ATE1: variants seen among roughly 807,000 people sequenced by gnomAD.
ATE1 encodes the protein arginyl-tRNA--protein transferase 1.
Under a neutral mutation model 70.5 loss-of-function variants are expected in ATE1, and 36 were observed. The observed-to-expected ratio is 0.51, with a 90% CI of 0.39 to 0.67. ATE1 has a LOEUF of 0.67. Among genes scored for constraint, ATE1 ranks in the 30% least tolerant of loss-of-function variants. The pLI is 0.00. For synonymous variants in ATE1, 232 were observed against 219.3 expected (o/e 1.06, Z -0.51); for missense variants, 593 against 629.5 (o/e 0.94, Z 0.62).
intron 3 of ATE1, among the ~76,000 whole-genome samples, chr10:121,914,259 G>T (rs1442811815): frequency 2.0e-5 from 3 of 152,048 alleles, no homozygotes; most frequent in African/African-American, 7.2e-5. Flanking sequence ...TAGAGACAGG[G>T]TTTCACCATG....
At chr10:121,923,581 G>C (rs1951966909) in intron 2 of ATE1, among the ~76,000 whole-genome samples, 1 of 152,168 alleles carries the variant, frequency 6.6e-6, no homozygotes, top group Admixed American at 6.5e-5. Flanking sequence ...GGAAAGTTGT[G>C]ATATTTCAGC....
intron 11 of ATE1, among the ~76,000 whole-genome samples, chr10:121,779,787 A>G (rs116383010): frequency 2.2e-4 from 33 of 152,150 alleles, no homozygotes; most frequent in African/African-American, 7.5e-4. Context: ...CTTTCACTCT[A>G]TTTTTAAGCC....
intron 8 of ATE1, among the ~76,000 whole-genome samples, chr10:121,864,929 A>C (rs551225026): frequency 6.6e-6 from 1 of 152,274 alleles, no homozygotes; most frequent in South Asian, 2.1e-4. Flanking sequence ...CTCACAACAA[A>C]GAATTATCCA....
In ATE1 at chr10:121,790,235, T is replaced by G; in HGVS notation, c.1312A>C (p.Ile438Leu). 2.5e-6 allele frequency: 4 copies of G among 1,613,974 alleles called. No homozygotes were observed. The highest frequency in any genetic ancestry group is 3.4e-6 in the Non-Finnish European group (4 of 1,179,968). Residue 438 changes from isoleucine to leucine, a missense_variant, in exon 11 of 12, where the codon ATT (isoleucine) becomes CTT (leucine). Transcript: ENST00000224652. ...TCAAGTGAAGGCAGGCATTGCTCAA[T>G]GGGTACCCAAACATATGTCTCAGGG... ...LCPETYVWVP[I>L]EQCLPSLENS...
chr10:121,852,753 C>T (rs1590501662), intron 8 of ATE1, among the ~76,000 whole-genome samples: 1 of 152,088 alleles, frequency 6.6e-6, no homozygotes, highest in East Asian at 1.9e-4. Flanking sequence ...TGTGCTAAGC[C>T]ACTGTGGCTT....
At chr10:121,772,658 T>C (rs1312096403) in intron 11 of ATE1, among the ~76,000 whole-genome samples, 2 of 152,168 alleles carry the variant, frequency 1.3e-5, no homozygotes, top group African/African-American at 4.8e-5. Context: ...AAGCTCCATA[T>C]CTTTCAGTAA....
chr10:121,806,299 A>T (rs1377271316), intron 10 of ATE1, among the ~76,000 whole-genome samples: 1 of 152,144 alleles, frequency 6.6e-6, no homozygotes, highest in Non-Finnish European at 1.5e-5. Context: ...CAAAAAATAT[A>T]AAAATTAGCC....
In ATE1 at chr10:121,899,911, C is replaced by G. The variant is rs1950914394; in HGVS notation, c.897G>C (p.Gln299His). 2.5e-6 allele frequency: 4 copies of G among 1,613,694 alleles called. No homozygotes were observed. Among genetic ancestry groups the G allele is most frequent in the Non-Finnish European group, 3.4e-6 (4 of 1,179,702 alleles). ...CAGGTGGGTTCTTGTGAATAACCAT[C>G]TGGTAACGTTTATAGACCTGGTAAG... is the stretch of plus-strand genomic sequence containing the variant. Reference protein sequence around the residue: ...LESYQVYKRYQMVIHKNPPDT... With the variant: ...LESYQVYKRYHMVIHKNPPDT... Residue 299 changes from glutamine to histidine, a missense_variant, in exon 7 of 12, where the codon CAG (glutamine) becomes CAC (histidine). Around this residue, in one of 3 missense-constraint regions of ATE1, gnomAD observed 467 missense variants for 469.6 expected, o/e 0.99. Transcript: ENST00000224652.
intron 10 of ATE1, among the ~76,000 whole-genome samples, chr10:121,831,400 C>G (rs1283325121): frequency 6.6e-6 from 1 of 152,022 alleles, no homozygotes; most frequent in Non-Finnish European, 1.5e-5. Context: ...AGACAGACAA[C>G]ACACACACAC....
chr10:121,928,267 G>C, upstream of ATE1: 1 of 1,442,098 alleles, frequency 6.9e-7, no homozygotes, highest in African/African-American at 1.5e-5. Flanking sequence ...GGGAGTCGGG[G>C]TGCGAGCCTG....
chr10:121,832,561 A>G (rs1186498233), intron 10 of ATE1, among the ~76,000 whole-genome samples: 1 of 152,166 alleles, frequency 6.6e-6, no homozygotes, highest in Non-Finnish European at 1.5e-5. Context: ...CATGGTAGTG[A>G]ATGTCTCACG....
chr10:121,921,891 C>G (rs897655504), intron 3 of ATE1, among the ~76,000 whole-genome samples: 4 of 152,194 alleles, frequency 2.6e-5, no homozygotes, highest in African/African-American at 9.7e-5. Context: ...CCCGAGGTCT[C>G]TCTTGTCCTC....
chr10:121,839,433 A>G (rs1948548687), intron 9 of ATE1, among the ~76,000 whole-genome samples: 1 of 152,234 alleles, frequency 6.6e-6, no homozygotes, highest in Non-Finnish European at 1.5e-5. Context: ...ATAATACAAA[A>G]ATAAAACCAA....
chr10:121,839,241 T>C lies in ATE1; in HGVS notation c.1157+1841A>G, dbSNP rs562495146. ...TTGCAGGGATATACAAGGTGATCAATAGAACTCTTGCTAATTTTGCTGGGA... is the reference window on the plus strand; with the variant it reads ...TTGCAGGGATATACAAGGTGATCAACAGAACTCTTGCTAATTTTGCTGGGA... On this transcript the variant is annotated intron_variant, in intron 9 of 11. Coordinates refer to ENST00000224652, the MANE Select transcript of ATE1 (RefSeq NM_001001976.3). 1.2e-4 allele frequency among the ~76,000 whole-genome samples: 19 copies of C among 152,308 alleles called. No homozygotes were observed. The South Asian group carries it at 2.7e-3, about 22-fold the overall frequency.
rs185143647 is a variant in ATE1 at position 121,818,093 on chromosome 10, G to A, written c.1257+18625C>T. Among the ~76,000 whole-genome samples the A allele has an allele frequency of 2.8e-4, 43 of 151,494 alleles. No homozygotes were observed. The East Asian group carries it at 7.8e-3, about 27-fold the overall frequency. On this transcript the variant is annotated intron_variant, in intron 10 of 11. Coordinates refer to ENST00000224652, the MANE Select transcript of ATE1 (RefSeq NM_001001976.3). The stretch of plus-strand genomic sequence containing the variant: ...AGCCTGGGCAACAAAGTGAGACCCC[G>A]TCTCTAGAAAAAATACAAAAATTAG...
intron 8 of ATE1, among the ~76,000 whole-genome samples, chr10:121,842,420 T>C (rs1019191723): frequency 2.0e-5 from 3 of 152,018 alleles, no homozygotes; most frequent in Admixed American, 6.6e-5. Flanking sequence ...TTGTACATCA[T>C]TTTCACACAG....
intron 9 of ATE1, among the ~76,000 whole-genome samples, chr10:121,837,258 C>G (rs1198474489): frequency 6.6e-6 from 1 of 152,202 alleles, no homozygotes. Context: ...AGACTTTCAG[C>G]TGCATATGAC....
intron 11 of ATE1, among the ~76,000 whole-genome samples, chr10:121,770,209 T>C (rs948354589): frequency 8.4e-6 from 1 of 119,322 alleles, no homozygotes; most frequent in Non-Finnish European, 1.8e-5. Flanking sequence ...ACTGATACAC[T>C]AAGAATAAGA....
chr10:121,756,710 C>T (rs1245691590), intron 11 of ATE1, among the ~76,000 whole-genome samples: 6 of 152,218 alleles, frequency 3.9e-5, no homozygotes, highest in Admixed American at 3.9e-4. Flanking sequence ...ACCTTGGCCA[C>T]TTTTAGTCAC....
Sources: gnomAD v4.1 joint callset for allele counts (sites outside exome capture counted in the v4.1 genomes callset) on GRCh38, gnomAD v4.1.1 for gene constraint, gnomAD v4.1.1 regional missense constraint, MANE v1.5 for transcripts, NCBI Gene and HGNC (gene_info 2026-07-23, HGNC 2026-07-21) for gene names.